The following SCOC variants were observed in gnomAD, a reference collection of about 807,000 sequenced individuals.
SCOC encodes the protein short coiled-coil protein, also known as short coiled coil protein.
In SCOC, 7 loss-of-function variants were observed where a neutral mutation model predicts 9.9. The observed-to-expected ratio is 0.71, with a 90% confidence interval of 0.40 to 1.33. The LOEUF is 1.33. Among genes scored for constraint, SCOC ranks in the 40% most tolerant of loss-of-function variants. The pLI is 0.01. For missense variants in SCOC, 66 were observed against 89.7 expected (o/e 0.74, Z 1.07); for synonymous variants, 19 against 28.2 (o/e 0.67, Z 1.03).
At chr4:140,372,573 T>A (rs888729787), upstream of SCOC, among the ~76,000 whole-genome samples, 1 of 152,240 alleles carries the variant, frequency 6.6e-6, no homozygotes, top group African/African-American at 2.4e-5. Flanking sequence ...TACATTGCAT[T>A]CTAGTAAATT....
At chr4:140,328,105 A>T (rs1732703211) in intron 1 of SCOC, among the ~76,000 whole-genome samples, 1 of 152,234 alleles carries the variant, frequency 6.6e-6, no homozygotes, top group Non-Finnish European at 1.5e-5. Flanking sequence ...AAATGGGAAG[A>T]TGCAGGGAAC....
At chr4:140,261,405 C>G (rs1035553753) in intron 1 of SCOC, among the ~76,000 whole-genome samples, 4 of 152,194 alleles carry the variant, frequency 2.6e-5, no homozygotes, top group African/African-American at 9.7e-5. Context: ...TTTGGAATGA[C>G]CAGCACTCTG....
rs1314722111 is a variant in SCOC at position 140,295,956 on chromosome 4, GA to G, written c.-19+38557del. Among the ~76,000 whole-genome samples, 303 of 132,516 alleles carry G rather than the reference GA, an allele frequency of 2.3e-3. 1 individual carries two copies. The highest frequency in any genetic ancestry group is 0.014 in the East Asian group (61 of 4,376). The allele number at this position is 132,516 out of a possible 152,430, so 86.9% of individuals were successfully genotyped here. A position where few individuals can be genotyped will look rare whatever the true frequency, so the allele number is the denominator to read the frequency against. On this transcript the variant is annotated intron_variant, in intron 1 of 4. Transcript: ENST00000394205. ...AAAAAAAAAAAAAAAAAGAAAGAAA[GA>G]AAAAAAAAAAGAAAATCACCTGGAG...
chr4:140,276,203 C>T (rs928830134), intron 1 of SCOC, among the ~76,000 whole-genome samples: 3 of 152,184 alleles, frequency 2.0e-5, no homozygotes, highest in South Asian at 4.2e-4. Context: ...GGGGTTTCAC[C>T]GTGTTAGCCA....
chr4:140,381,624 G>A lies in SCOC; in HGVS notation c.*520G>A, dbSNP rs1728575997. 6.6e-6 allele frequency: 1 copy of A among 152,128 alleles called. No homozygotes were observed. The highest frequency in any genetic ancestry group is 2.4e-5 in the African/African-American group (1 of 41,410). 9.4% of individuals were successfully genotyped at this position (152,128 alleles called of 1,614,324 possible). ...TCTGAGAGTAACCTGTATTTTAATT[G>A]TTGAAACTTAACCAAAATAAGATAC... On this transcript the variant is annotated 3_prime_UTR_variant, in exon 4 of 4. Coordinates refer to ENST00000608372, the MANE Select transcript of SCOC (RefSeq NM_001153484.2).
At chr4:140,274,398 G>A (rs907711937) in intron 1 of SCOC, among the ~76,000 whole-genome samples, 1 of 152,122 alleles carries the variant, frequency 6.6e-6, no homozygotes, top group African/African-American at 2.4e-5. Context: ...GAGGTGGAAG[G>A]TCTTATTTCT....
At chr4:140,349,557 C>T (rs1334734658) in intron 2 of SCOC, among the ~76,000 whole-genome samples, 7 of 152,132 alleles carry the variant, frequency 4.6e-5, no homozygotes, top group African/African-American at 1.7e-4. Context: ...GTCAAATAAA[C>T]TTACCTTCTC....
intron 1 of SCOC, chr4:140,284,770 C>T (rs1000832073): frequency 3.8e-5 from 3 of 78,832 alleles, no homozygotes; most frequent in Admixed American, 1.4e-4. Context: ...CTATTTCTTT[C>T]AAAAAAAAAA....
intron 1 of SCOC, among the ~76,000 whole-genome samples, chr4:140,288,347 A>T (rs1731360181): frequency 6.6e-6 from 1 of 152,008 alleles, no homozygotes; most frequent in Admixed American, 6.6e-5. Flanking sequence ...ATGTCACACA[A>T]ATATATATAC....
chr4:140,339,818 T>G (rs1168420630), upstream of SCOC, among the ~76,000 whole-genome samples: 1 of 152,174 alleles, frequency 6.6e-6, no homozygotes, highest in African/African-American at 2.4e-5. Context: ...CTGGAGAGGA[T>G]GTGGAGAAAT....
chr4:140,355,213 A>ATATT (rs1363942274), intron 2 of SCOC, among the ~76,000 whole-genome samples: 1 of 5,348 alleles, frequency 1.9e-4, no homozygotes, highest in East Asian at 0.17. Context: ...TTATATTTTT[A>ATATT]TATATATATA....
rs762652833 is a variant in SCOC at position 140,381,115 on chromosome 4, C to T, written c.*11C>T. The T allele has an allele frequency of 5.1e-6, 8 of 1,579,010 alleles. No individual in the cohort carries two copies. The South Asian group carries it at 9.6e-5, about 19-fold the overall frequency. On this transcript the variant is annotated 3_prime_UTR_variant, in exon 4 of 4. Transcript: ENST00000608372. ...AGCAAAAGAAAGTAAGGGATTGACA[C>T]CCTTCTGTTTTATGGAATTGCTGCT...
chr4:140,320,986 A>G (rs1408604564), intron 1 of SCOC, among the ~76,000 whole-genome samples: 2 of 152,146 alleles, frequency 1.3e-5, no homozygotes, highest in Non-Finnish European at 2.9e-5. Flanking sequence ...CATGCTAACA[A>G]GAGTTGCATC....
At chr4:140,278,712 CAT>C (rs1487419923) in intron 1 of SCOC, among the ~76,000 whole-genome samples, 4 of 152,152 alleles carry the variant, frequency 2.6e-5, no homozygotes, top group African/African-American at 7.2e-5. Context: ...TGGAGGGACA[CAT>C]ATATTCAAAT....
At chr4:140,335,280 G>GCC (rs1732926471) in intron 1 of SCOC, among the ~76,000 whole-genome samples, 3 of 152,314 alleles carry the variant, frequency 2.0e-5, no homozygotes, top group African/African-American at 7.2e-5. Flanking sequence ...GCCACTTCCT[G>GCC]GCTGTGGGTC....
At chr4:140,378,717 C>T (rs1194656842) in intron 1 of SCOC, among the ~76,000 whole-genome samples, 2 of 151,864 alleles carry the variant, frequency 1.3e-5, no homozygotes, top group African/African-American at 4.8e-5. Context: ...CATTATTGTC[C>T]TTAGCCTAAA....
intron 1 of SCOC, among the ~76,000 whole-genome samples, chr4:140,279,783 A>C (rs752425099): frequency 6.6e-6 from 1 of 151,984 alleles, no homozygotes; most frequent in Non-Finnish European, 1.5e-5. Context: ...CAGAACTTAT[A>C]TTTTTTTCTC....
At chr4:140,365,826 A>G (rs1373049034) in intron 2 of SCOC, among the ~76,000 whole-genome samples, 1 of 152,260 alleles carries the variant, frequency 6.6e-6, no homozygotes, top group African/African-American at 2.4e-5. Context: ...TACAACATAT[A>G]TACAAAATAT....
chr4:140,292,329 C>T (rs1415953910), intron 1 of SCOC, among the ~76,000 whole-genome samples: 1 of 151,984 alleles, frequency 6.6e-6, no homozygotes, highest in Non-Finnish European at 1.5e-5. Context: ...GCTGGGGCTA[C>T]AGGTGCGTGC....
Sources: allele counts gnomAD v4.1 joint callset (sites outside exome capture counted in the v4.1 genomes callset), GRCh38; gene constraint gnomAD v4.1.1; transcripts MANE v1.5; gene names NCBI Gene and HGNC (gene_info 2026-07-23, HGNC 2026-07-21).